The following ERC2 variants were observed in gnomAD, a reference collection of about 807,000 sequenced individuals.
The protein encoded by ERC2 is ELKS/RAB6-interacting/CAST family member 2, also known as ERC protein 2.
A neutral mutation model predicts 114.8 loss-of-function variants in ERC2; 42 were observed. The observed-to-expected ratio is 0.37, with a 90% CI of 0.29 to 0.47. ERC2 has a LOEUF of 0.47. Ranked by LOEUF, ERC2 falls within the 20% of genes least tolerant of loss-of-function variation. The pLI is 0.99. For missense variants in ERC2, 939 were observed against 1,150.7 expected, an observed-to-expected ratio of 0.82 and a Z score of 2.66; for synonymous variants, 454 against 425.5, an observed-to-expected ratio of 1.07 and a Z score of -0.82.
chr3:56,458,552 G>A (rs1054515780), intron 1 of ERC2, among the ~76,000 whole-genome samples: 8 of 152,054 alleles, frequency 5.3e-5, no homozygotes, highest in Non-Finnish European at 1.0e-4. Context: ...ACTGCTCCAC[G>A]CTCACAAGCC....
At position 55,582,527 on chromosome 3, in the gene ERC2, T is replaced by G. The variant is rs574091862; in HGVS notation, c.*40-71251A>C. ...ATATTTTGAAGTGGAATCTTCTTTT[T>G]TAAATGAATGATCTATCTCAATGGC... On this transcript the variant is annotated intron_variant, in intron 17 of 17. Transcript: ENST00000288221. 2.0e-5 allele frequency among the ~76,000 whole-genome samples: 3 copies of G among 152,368 alleles called. No individual in the cohort carries two copies. The South Asian group carries it at 6.2e-4, about 32-fold the overall frequency.
chr3:56,098,588 A>G (rs528752805), intron 6 of ERC2, among the ~76,000 whole-genome samples: 1 of 152,346 alleles, frequency 6.6e-6, no homozygotes, highest in African/African-American at 2.4e-5. Flanking sequence ...TGTTTCAATG[A>G]GACTGACTGT....
chr3:56,415,867 A>G (rs910859914), intron 2 of ERC2, among the ~76,000 whole-genome samples: 4 of 152,150 alleles, frequency 2.6e-5, no homozygotes, highest in Admixed American at 6.5e-5. Context: ...CAACACAAAT[A>G]CTTTTGCCTG....
intron 3 of ERC2, among the ~76,000 whole-genome samples, chr3:56,176,438 C>G (rs2082983664): frequency 6.6e-6 from 1 of 152,084 alleles, no homozygotes; most frequent in Admixed American, 6.6e-5. Context: ...CTTGTAGCAA[C>G]AGTTATTCAA....
intron 13 of ERC2, among the ~76,000 whole-genome samples, chr3:55,910,391 CAACAAAAA>C (rs1456996033): frequency 1.1e-4 from 17 of 148,396 alleles, no homozygotes; most frequent in Admixed American, 6.0e-4. Context: ...GACTCTGTCT[CAACAAAAA>C]AACAAAAAAA....
chr3:55,629,258 C>T (rs2059646810), intron 17 of ERC2, among the ~76,000 whole-genome samples: 1 of 152,168 alleles, frequency 6.6e-6, no homozygotes, highest in Non-Finnish European at 1.5e-5. Flanking sequence ...GGCAGAGATG[C>T]CATGGCTCCC....
intron 12 of ERC2, among the ~76,000 whole-genome samples, chr3:55,969,698 A>G (rs895354470): frequency 6.6e-6 from 1 of 152,222 alleles, no homozygotes; most frequent in Non-Finnish European, 1.5e-5. Flanking sequence ...TTCTTCCTCT[A>G]GAGCCACACA....
chr3:55,746,048 T>C (rs1188518172), intron 14 of ERC2, among the ~76,000 whole-genome samples: 2 of 152,186 alleles, frequency 1.3e-5, no homozygotes, highest in African/African-American at 2.4e-5. Flanking sequence ...AATTTGAATA[T>C]TTTGTGTTAA....
At chr3:55,845,165 T>C (rs2061296534) in intron 14 of ERC2, among the ~76,000 whole-genome samples, 1 of 152,010 alleles carries the variant, frequency 6.6e-6, no homozygotes, top group South Asian at 2.1e-4. Flanking sequence ...AGGACATGGA[T>C]CAGTATTGAT....
chr3:55,540,106 T>C (rs1018547219), intron 17 of ERC2, among the ~76,000 whole-genome samples: 6 of 152,158 alleles, frequency 3.9e-5, no homozygotes, highest in African/African-American at 1.2e-4. Context: ...ATAAGGATCC[T>C]GGATCGCTGC....
chr3:56,087,963 A>G (rs138287451), intron 6 of ERC2, among the ~76,000 whole-genome samples: 112 of 152,300 alleles, frequency 7.4e-4, no homozygotes, highest in African/African-American at 2.6e-3. Context: ...AGTAACGACT[A>G]GTTCTCACTC....
intron 9 of ERC2, 86 bp from the exon 10 acceptor site, chr3:56,007,407 G>T (rs2072581188): frequency 8.4e-7 from 1 of 1,191,280 alleles, no homozygotes; most frequent in East Asian, 2.5e-5. Context: ...TCTATACATA[G>T]CAATAAAGTG....
At chr3:56,458,001 C>A (rs1389546083) in intron 1 of ERC2, among the ~76,000 whole-genome samples, 1 of 152,172 alleles carries the variant, frequency 6.6e-6, no homozygotes, top group Non-Finnish European at 1.5e-5. Flanking sequence ...CTGAACTCCC[C>A]TACAAAATTA....
chr3:55,979,595 C>T (rs1020018228), intron 12 of ERC2, among the ~76,000 whole-genome samples: 3 of 152,112 alleles, frequency 2.0e-5, no homozygotes, highest in African/African-American at 7.2e-5. Flanking sequence ...CATACAGCTC[C>T]GTATATGCCA....
chr3:55,705,640 G>C (rs1271373329), intron 15 of ERC2, among the ~76,000 whole-genome samples: 1 of 152,098 alleles, frequency 6.6e-6, no homozygotes, highest in African/African-American at 2.4e-5. Context: ...CACTGCTATA[G>C]CATCAGTCCT....
At chr3:56,179,572 G>A (rs1393421644) in intron 3 of ERC2, among the ~76,000 whole-genome samples, 1 of 152,106 alleles carries the variant, frequency 6.6e-6, no homozygotes, top group African/African-American at 2.4e-5. Context: ...GTAGCAGAGT[G>A]GAGGCAAGGA....
intron 2 of ERC2, among the ~76,000 whole-genome samples, chr3:56,432,154 C>T (rs777935145): frequency 4.6e-5 from 7 of 152,266 alleles, no homozygotes; most frequent in African/African-American, 9.6e-5. Flanking sequence ...TTTAATTCTT[C>T]GTGGATGTCA....
chr3:56,016,989 G>A (rs1449331234), intron 8 of ERC2, among the ~76,000 whole-genome samples: 3 of 152,118 alleles, frequency 2.0e-5, no homozygotes, highest in Non-Finnish European at 2.9e-5. Flanking sequence ...CCTGCAAAGT[G>A]CTGCAGGATC....
intron 11 of ERC2, among the ~76,000 whole-genome samples, chr3:55,989,176 G>A (rs2070863541): frequency 6.6e-6 from 1 of 152,202 alleles, no homozygotes; most frequent in South Asian, 2.1e-4. Context: ...GGAGGCATCA[G>A]CTTTAAGGGG....
Sources: allele counts gnomAD v4.1 joint callset (sites outside exome capture counted in the v4.1 genomes callset), GRCh38; gene constraint gnomAD v4.1.1; transcripts MANE v1.5; gene names NCBI Gene and HGNC (gene_info 2026-07-23, HGNC 2026-07-21).